RERG: variants seen among roughly 807,000 people sequenced by gnomAD.
RERG encodes ras-related and estrogen-regulated growth inhibitor.
RERG carries 25 observed loss-of-function variants against 23.2 expected under a neutral mutation model. The observed-to-expected ratio is 1.08, with a 90% confidence interval of 0.79 to 1.50. RERG has a LOEUF of 1.50. Ranked by LOEUF, RERG falls within the 40% of genes most tolerant of loss-of-function variation. RERG has a pLI of 0.00. For synonymous variants in RERG, 81 were observed against 89.1 expected (o/e 0.91, Z 0.51); for missense variants, 253 against 250.1 (o/e 1.01, Z -0.08).
chr12:15,220,431 T>A (rs1865497361), intron 1 of RERG, among the ~76,000 whole-genome samples: 1 of 152,196 alleles, frequency 6.6e-6, no homozygotes, highest in African/African-American at 2.4e-5. Context: ...ATTGATTTAT[T>A]CCACACTTTC....
At chr12:15,119,115 C>G (rs1287474266) in intron 3 of RERG, among the ~76,000 whole-genome samples, 2 of 152,118 alleles carry the variant, frequency 1.3e-5, no homozygotes, top group African/African-American at 4.8e-5. Context: ...AAGCCCTCAC[C>G]TGGGAATGAG....
chr12:15,204,248 G>A (rs1161497997), intron 2 of RERG, among the ~76,000 whole-genome samples: 3 of 151,464 alleles, frequency 2.0e-5, no homozygotes, highest in African/African-American at 7.3e-5. Context: ...AGAATAGAGA[G>A]CCCAGAAATA....
chr12:15,143,414 C>T (rs1864274835), intron 2 of RERG, among the ~76,000 whole-genome samples: 1 of 151,794 alleles, frequency 6.6e-6, no homozygotes, highest in Non-Finnish European at 1.5e-5. Context: ...TATATAAACA[C>T]ACATATGTAA....
intron 3 of RERG, among the ~76,000 whole-genome samples, chr12:15,113,311 A>G (rs1195869732): frequency 1.3e-5 from 2 of 152,150 alleles, no homozygotes; most frequent in African/African-American, 2.4e-5. Flanking sequence ...AATAAAAGAA[A>G]AAACATCATG....
intron 2 of RERG, among the ~76,000 whole-genome samples, chr12:15,201,682 CATA>C (rs200794621): frequency 0.024 from 3,581 of 149,164 alleles, 70 homozygotes; most frequent in Non-Finnish European, 0.033. Flanking sequence ...AATTAACAAT[CATA>C]ATAATTAGCT....
chr12:15,129,452 CTCTT>C (rs1864005986), intron 2 of RERG, among the ~76,000 whole-genome samples: 1 of 152,200 alleles, frequency 6.6e-6, no homozygotes, highest in African/African-American at 2.4e-5. Flanking sequence ...AAATCTATCT[CTCTT>C]TCTCCACACA....
intron 2 of RERG, among the ~76,000 whole-genome samples, chr12:15,189,381 C>G (rs1301628829): frequency 6.6e-6 from 1 of 152,152 alleles, no homozygotes; most frequent in Non-Finnish European, 1.5e-5. Flanking sequence ...CTTGCTGTTT[C>G]CTTTTCCTAA....
rs3084648 is a variant in RERG at position 15,117,675 on chromosome 12, GCACACACA to G, written c.118+3380_118+3387del. On this transcript the variant is annotated intron_variant, in intron 3 of 4. Transcript: ENST00000256953. Reference sequence around the variant, plus strand: ...CTCCAAATGCCTCCATCACACACGCGCACACACACACACACACACACACACACACACAG... The same window carrying G: ...CTCCAAATGCCTCCATCACACACGCGCACACACACACACACACACACACAG... Among the ~76,000 whole-genome samples, 222 of 144,800 alleles carry G rather than the reference GCACACACA, an allele frequency of 1.5e-3. 3 individuals carry two copies. Among genetic ancestry groups the G allele is most frequent in the Middle Eastern group, 6.9e-3 (2 of 290 alleles). 95.0% of individuals were successfully genotyped at this position (144,800 alleles called of 152,430 possible). A position where few individuals can be genotyped will look rare whatever the true frequency, so the allele number is the denominator to read the frequency against.
chr12:15,115,818 C>G (rs1484442638), intron 3 of RERG, among the ~76,000 whole-genome samples: 3 of 152,264 alleles, frequency 2.0e-5, no homozygotes, highest in Middle Eastern at 3.4e-3. Context: ...GTCCAAAATA[C>G]AAACTGTAGA....
At chr12:15,142,254 G>T (rs773528070) in intron 2 of RERG, among the ~76,000 whole-genome samples, 2 of 152,082 alleles carry the variant, frequency 1.3e-5, no homozygotes, top group Non-Finnish European at 2.9e-5. Flanking sequence ...TTCCACTTCA[G>T]ATTCACTTTG....
Position 15,186,652 on chromosome 12 carries a change from C to G in RERG, c.61+30777G>C, listed in dbSNP as rs552845798. On this transcript the variant is annotated intron_variant, in intron 2 of 4. Coordinates refer to ENST00000256953, the MANE Select transcript of RERG (RefSeq NM_032918.3). ...CATTAATTTAGAAGAAGGAATCAAA[C>G]AAAGAAAGATTTGGAGGCCACTTCT... Among the ~76,000 whole-genome samples, 75 of 152,172 alleles carry G rather than the reference C, an allele frequency of 4.9e-4. 1 individual carries two copies. Among genetic ancestry groups the G allele is most frequent in the Admixed American group, 4.5e-3 (69 of 15,264 alleles).
intron 2 of RERG, among the ~76,000 whole-genome samples, chr12:15,123,780 T>C (rs1303240347): frequency 2.6e-5 from 4 of 152,004 alleles, no homozygotes; most frequent in Admixed American, 2.6e-4. Flanking sequence ...AAGTTTGTCT[T>C]TTGAAGTAAA....
intron 2 of RERG, among the ~76,000 whole-genome samples, chr12:15,181,872 C>T (rs1215095846): frequency 6.6e-6 from 1 of 152,096 alleles, no homozygotes; most frequent in Non-Finnish European, 1.5e-5. Flanking sequence ...AAAGGTGTGG[C>T]TGCAGGGCTT....
intron 2 of RERG, among the ~76,000 whole-genome samples, chr12:15,185,254 GATATCAATCTC>G (rs1015355052): frequency 2.0e-5 from 3 of 152,080 alleles, no homozygotes; most frequent in Non-Finnish European, 4.4e-5. Flanking sequence ...TTGCTCCTGT[GATATCAATCTC>G]ATATCAATCC....
chr12:15,109,232 A>C lies in RERG; in HGVS notation c.478T>G (p.Phe160Val), dbSNP rs576615274. The change falls in exon 5 of 5, where the codon TTC (phenylalanine) becomes GTC (valine). Residue 160 changes from phenylalanine (F) to valine (V), a missense_variant. Physicochemically the swap from Phe to Val is conservative, Grantham distance 50. Transcript: ENST00000256953. Reference protein sequence around the residue: ...CTGEGNITEIFYELCREVRRR... With the variant: ...CTGEGNITEIVYELCREVRRR... ...CGCACCTCTCGACACAATTCATAGA[A>C]TATCTCTGTGATGTTCCCTTCTCCA... 5.6e-6 allele frequency: 9 copies of C among 1,613,982 alleles called. 1 individual carries two copies. The African/African-American group carries it at 6.7e-5, about 12-fold the overall frequency.
chr12:15,117,346 T>C (rs985036238), intron 3 of RERG, among the ~76,000 whole-genome samples: 1 of 152,230 alleles, frequency 6.6e-6, no homozygotes, highest in Non-Finnish European at 1.5e-5. Context: ...TGACAATCTC[T>C]AAGCTCCTTG....
At chr12:15,218,486 A>G (rs1204176095) in intron 1 of RERG, among the ~76,000 whole-genome samples, 1 of 152,104 alleles carries the variant, frequency 6.6e-6, no homozygotes, top group Non-Finnish European at 1.5e-5. Flanking sequence ...CTTAGGACAT[A>G]ACAATCATTC....
chr12:15,167,797 C>CT (rs1388908693), intron 2 of RERG, among the ~76,000 whole-genome samples: 1 of 152,004 alleles, frequency 6.6e-6, no homozygotes, highest in Non-Finnish European at 1.5e-5. Flanking sequence ...AAAAATCATA[C>CT]TTTTTTGGAT....
intron 2 of RERG, chr12:15,137,912 A>G (rs1864171399): frequency 2.3e-6 from 1 of 440,716 alleles, no homozygotes; most frequent in Non-Finnish European, 4.6e-6. Flanking sequence ...TCCTTCTCTG[A>G]AGAATGTATC....
Sources: gnomAD v4.1 joint callset for allele counts (sites outside exome capture counted in the v4.1 genomes callset) on GRCh38, gnomAD v4.1.1 for gene constraint, MANE v1.5 for transcripts, NCBI Gene and HGNC (gene_info 2026-07-23, HGNC 2026-07-21) for gene names.